Variants in SLC16A2 observed in about 807,000 individuals in gnomAD.
SLC16A2 encodes the protein solute carrier family 16 member 2, also known as monocarboxylate transporter 8.
Under a neutral mutation model 27.2 loss-of-function variants are expected in SLC16A2, and 3 were observed. The observed-to-expected ratio is 0.11, with a 90% CI of 0.05 to 0.28. The LOEUF (loss-of-function observed/expected upper bound fraction) is 0.28. Among genes scored for constraint, SLC16A2 ranks in the 10% least tolerant of loss-of-function variants. The probability of loss-of-function intolerance (pLI) is 1.00; values close to 1 mark genes in which losing one functional copy is unlikely to be tolerated. For missense variants in SLC16A2, 295 were observed against 458.5 expected (o/e 0.64, Z 3.26); for synonymous variants, 202 against 187.8 (o/e 1.08, Z -0.62).
chrX:74,473,644 G>A lies in SLC16A2; in HGVS notation c.431-47346G>A, dbSNP rs1929402925. The A allele has an allele frequency of 3.8e-5, 40 of 1,043,841 alleles. No homozygotes were observed. The South Asian group carries it at 7.3e-4, about 19-fold the overall frequency. The allele number at this position is 1,043,841 out of a possible 1,213,427, so 86.0% of individuals were successfully genotyped here. A position where few individuals can be genotyped will look rare whatever the true frequency, so the allele number is the denominator to read the frequency against. On this transcript the variant is annotated intron_variant, in intron 1 of 5. Transcript: ENST00000587091. ...CAACAAATATCTTTTTCAAAGTTAA[G>A]TGGGCACCTGGTCTTTGAGAATCTT...
chrX:74,503,302 AC>A (rs1313798701), intron 1 of SLC16A2, among the ~76,000 whole-genome samples: 2 of 110,907 alleles, frequency 1.8e-5, no homozygotes, highest in Non-Finnish European at 3.8e-5. Flanking sequence ...TTTTCTTTTG[AC>A]CCATACTGCT....
chrX:74,529,357 G>C lies in SLC16A2; in HGVS notation c.1315G>C (p.Val439Leu). The C allele has an allele frequency of 1.7e-6, 2 of 1,206,874 alleles. No homozygotes were observed. The highest frequency in any genetic ancestry group is 3.6e-5 in the South Asian group (2 of 55,872). The change falls in exon 5 of 6, where the codon GTG (valine) becomes CTG (leucine). Residue 439 changes from valine (V) to leucine (L), a missense_variant. Physicochemically the swap from Val to Leu is conservative, Grantham distance 32. Around this residue, in one of 3 missense-constraint regions of SLC16A2, gnomAD observed 144 missense variants for 219.8 expected, o/e 0.66. Transcript: ENST00000587091. ...TIMAPIAFELVGPMQASQAIG... is the reference protein window; with the variant it reads ...TIMAPIAFELLGPMQASQAIG... ...CATGGCCCCCATTGCATTTGAGCTG[G>C]TGGGCCCAATGCAGGCCTCACAGGC... is the stretch of plus-strand genomic sequence containing the variant.
intron 1 of SLC16A2, among the ~76,000 whole-genome samples, chrX:74,477,605 C>T (rs1195844724): frequency 1.8e-5 from 2 of 112,031 alleles, no homozygotes; most frequent in African/African-American, 3.2e-5. Flanking sequence ...CCTGCTTTCT[C>T]TTGTGGGCAG....
At chrX:74,520,130 C>T (rs1342087286) in intron 1 of SLC16A2, among the ~76,000 whole-genome samples, 1 of 112,158 alleles carries the variant, frequency 8.9e-6, no homozygotes, top group African/African-American at 3.2e-5. Context: ...CAGTGCCTAG[C>T]TCATGTGTCA....
intron 1 of SLC16A2, among the ~76,000 whole-genome samples, chrX:74,512,287 A>T (rs1486910451): frequency 8.9e-6 from 1 of 112,408 alleles, no homozygotes; most frequent in Non-Finnish European, 1.9e-5. Flanking sequence ...GGCAACACAG[A>T]ATCCAATTCA....
chrX:74,504,941 A>C (rs1332209772), intron 1 of SLC16A2, among the ~76,000 whole-genome samples: 1 of 111,778 alleles, frequency 8.9e-6, no homozygotes, highest in Non-Finnish European at 1.9e-5. Flanking sequence ...AGTGAACTGT[A>C]ATCATGCCAC....
chrX:74,476,013 T>C (rs1018527513), intron 1 of SLC16A2, among the ~76,000 whole-genome samples: 1 of 111,492 alleles, frequency 9.0e-6, no homozygotes, highest in Non-Finnish European at 1.9e-5. Context: ...TCCAATTCTG[T>C]GAAGAAAGTC....
chrX:74,477,332 T>G (rs1351224599), intron 1 of SLC16A2, among the ~76,000 whole-genome samples: 1 of 111,832 alleles, frequency 8.9e-6, no homozygotes. Flanking sequence ...GATATCCCCT[T>G]TATCATTTTT....
At chrX:74,497,243 A>C (rs1929953696) in intron 1 of SLC16A2, among the ~76,000 whole-genome samples, 2 of 111,862 alleles carry the variant, frequency 1.8e-5, no homozygotes, top group African/African-American at 6.5e-5. Context: ...TGTATCATTT[A>C]AAGGGACCAT....
chrX:74,518,409 C>T (rs1346250997), intron 1 of SLC16A2, among the ~76,000 whole-genome samples: 2 of 111,065 alleles, frequency 1.8e-5, no homozygotes, highest in Non-Finnish European at 3.8e-5. Context: ...GCCTGGCCAT[C>T]GTGGTGAAAC....
At chrX:74,455,448 G>T (rs1029299605) in intron 1 of SLC16A2, among the ~76,000 whole-genome samples, 1 of 111,185 alleles carries the variant, frequency 9.0e-6, no homozygotes, top group Non-Finnish European at 1.9e-5. Context: ...GGAAGCAAAA[G>T]ACCCTTAGGA....
At chrX:74,468,225 A>C (rs1015413308) in intron 1 of SLC16A2, among the ~76,000 whole-genome samples, 22 of 111,697 alleles carry the variant, frequency 2.0e-4, no homozygotes, top group African/African-American at 6.5e-4. Context: ...CATCACCTGG[A>C]AAGAAACATG....
At chrX:74,462,318 GTGTT>G (rs766098031) in intron 1 of SLC16A2, among the ~76,000 whole-genome samples, 12 of 111,499 alleles carry the variant, frequency 1.1e-4, no homozygotes, top group African/African-American at 2.9e-4. Flanking sequence ...TTATAGTTTG[GTGTT>G]TGTTTGTTTG....
intron 1 of SLC16A2, among the ~76,000 whole-genome samples, chrX:74,506,939 T>TTA (rs1418261151): frequency 2.9e-3 from 51 of 17,305 alleles, no homozygotes; most frequent in African/African-American, 4.5e-3. Context: ...ATTTATTTAT[T>TTA]TTTTTTTTTT....
intron 1 of SLC16A2, among the ~76,000 whole-genome samples, chrX:74,433,805 A>G (rs1928574651): frequency 8.9e-6 from 1 of 112,063 alleles, no homozygotes; most frequent in East Asian, 2.8e-4. Flanking sequence ...CTAACCTTTG[A>G]CTATGGGGCT....
chrX:74,513,489 G>A (rs1330964263), intron 1 of SLC16A2, among the ~76,000 whole-genome samples: 1 of 111,955 alleles, frequency 8.9e-6, no homozygotes, highest in Admixed American at 9.4e-5. Flanking sequence ...GAAAGGTAAA[G>A]GATAACCAGT....
chrX:74,447,348 G>T (rs189074571), intron 1 of SLC16A2, among the ~76,000 whole-genome samples: 1 of 111,757 alleles, frequency 8.9e-6, no homozygotes, highest in East Asian at 2.8e-4. Context: ...GTACCCAGAC[G>T]TAAGTCATAT....
rs137907269 is a variant in SLC16A2, at chrX:74,452,304, C to T, written c.430+30237C>T. ...TGCTGGGAATAGTCTTGTCCGTTCC[C>T]GTTCTAGGAAAGAGAAGCAGAGAGA... On this transcript the variant is annotated intron_variant, in intron 1 of 5. Transcript: ENST00000587091. 1.5e-4 allele frequency among the ~76,000 whole-genome samples: 17 copies of T among 111,883 alleles called. No homozygotes were observed. The East Asian group carries it at 4.5e-3, about 30-fold the overall frequency.
At chrX:74,460,929 G>A (rs766190141) in intron 1 of SLC16A2, among the ~76,000 whole-genome samples, 16 of 111,805 alleles carry the variant, frequency 1.4e-4, no homozygotes, top group Non-Finnish European at 2.8e-4. Flanking sequence ...AGGATTACAG[G>A]TGTGAGCCAC....
Sources: gnomAD v4.1 joint callset for allele counts (sites outside exome capture counted in the v4.1 genomes callset) on GRCh38, gnomAD v4.1.1 for gene constraint, gnomAD v4.1.1 regional missense constraint, MANE v1.5 for transcripts, NCBI Gene and HGNC (gene_info 2026-07-23, HGNC 2026-07-21) for gene names.